FILIP1L: variants seen among roughly 807,000 people sequenced by gnomAD.
FILIP1L encodes filamin A interacting protein 1 like.
A neutral mutation model predicts 96.6 loss-of-function variants in FILIP1L; 55 were observed. The observed-to-expected ratio is 0.57, with a 90% CI of 0.46 to 0.71. The LOEUF (loss-of-function observed/expected upper bound fraction) is 0.71, where lower values mean the gene tolerates loss of function less well. Ranked by LOEUF, FILIP1L falls within the 30% of genes least tolerant of loss-of-function variation. FILIP1L has a pLI of 0.00. For synonymous variants in FILIP1L, 467 were observed against 473.9 expected (o/e 0.99, Z 0.19); for missense variants, 1,304 against 1,321.2 (o/e 0.99, Z 0.20).
rs147655030 is a variant in FILIP1L at position 100,004,425 on chromosome 3, C to A, written c.-10-73395G>T. On this transcript the variant is annotated intron_variant, in intron 1 of 5. Coordinates refer to ENST00000477258, the MANE Select transcript of FILIP1L (RefSeq NM_001387850.1). ...TTGTGTTCATAAGAGAACTGTGTTA[C>A]CACTGAAACCAAGGGAGGAGAACCA... is the stretch of plus-strand genomic sequence containing the variant. Among the ~76,000 whole-genome samples the A allele has an allele frequency of 7.2e-3, 1,094 of 152,136 alleles. 4 individuals carry two copies. Among genetic ancestry groups the A allele is most frequent in the African/African-American group, 1.0e-2 (414 of 41,510 alleles).
chr3:100,053,492 C>A (rs1214230304), intron 1 of FILIP1L, among the ~76,000 whole-genome samples: 1 of 152,196 alleles, frequency 6.6e-6, no homozygotes, highest in Non-Finnish European at 1.5e-5. Context: ...TTTCTGTCTT[C>A]TCATGAGGAC....
At chr3:100,023,359 T>C (rs920145460) in intron 1 of FILIP1L, 2 of 152,546 alleles carry the variant, frequency 1.3e-5, no homozygotes, top group African/African-American at 4.8e-5. Flanking sequence ...AAGTCAAACA[T>C]GGATGGCAGC....
intron 1 of FILIP1L, among the ~76,000 whole-genome samples, chr3:100,067,332 G>C (rs1292187742): frequency 6.6e-6 from 1 of 152,192 alleles, no homozygotes; most frequent in Non-Finnish European, 1.5e-5. Context: ...CTATGGTGCA[G>C]GTGAAAGTCT....
intron 4 of FILIP1L, among the ~76,000 whole-genome samples, chr3:99,919,801 G>A (rs1481506263): frequency 6.6e-6 from 1 of 152,152 alleles, no homozygotes; most frequent in African/African-American, 2.4e-5. Context: ...AGGTGGAAGT[G>A]CTTTGTTCTT....
intron 4 of FILIP1L, chr3:99,874,180 T>TA (rs762277750): frequency 2.6e-5 from 4 of 152,146 alleles, no homozygotes; most frequent in Non-Finnish European, 4.4e-5. Flanking sequence ...TTGCCTGCTT[T>TA]AAAAAAATAA....
intron 1 of FILIP1L, among the ~76,000 whole-genome samples, chr3:100,010,697 T>A (rs1003544069): frequency 2.7e-5 from 4 of 148,230 alleles, no homozygotes; most frequent in Non-Finnish European, 6.0e-5. Context: ...CCACTGCAAC[T>A]TCTACCTCCC....
intron 4 of FILIP1L, among the ~76,000 whole-genome samples, chr3:99,875,546 C>G (rs1705468465): frequency 6.6e-6 from 1 of 152,146 alleles, no homozygotes; most frequent in Admixed American, 6.5e-5. Flanking sequence ...TTTTTTGAAG[C>G]TTAAAAAGAT....
At chr3:99,883,921 A>G (rs1705811956) in intron 4 of FILIP1L, among the ~76,000 whole-genome samples, 1 of 152,208 alleles carries the variant, frequency 6.6e-6, no homozygotes, top group African/African-American at 2.4e-5. Context: ...TACTGACTCC[A>G]GCAACTTCTG....
intron 4 of FILIP1L, among the ~76,000 whole-genome samples, chr3:99,896,936 T>C (rs183733724): frequency 3.3e-4 from 50 of 152,328 alleles, no homozygotes; most frequent in African/African-American, 1.2e-3. Context: ...GGCTAATAAA[T>C]AGAAAATGTA....
chr3:99,959,902 C>T (rs1017394876), intron 1 of FILIP1L, among the ~76,000 whole-genome samples: 7 of 152,136 alleles, frequency 4.6e-5, no homozygotes, highest in African/African-American at 1.2e-4. Context: ...AAAACTCAGA[C>T]CACTCCCATT....
intron 1 of FILIP1L, chr3:100,040,995 C>A (rs1013544822): frequency 6.6e-6 from 1 of 152,166 alleles, no homozygotes; most frequent in African/African-American, 2.4e-5. Flanking sequence ...AAAAATCTGT[C>A]CTGAAGTATG....
At chr3:99,933,760 T>G (rs906210346) in intron 1 of FILIP1L, among the ~76,000 whole-genome samples, 1 of 152,226 alleles carries the variant, frequency 6.6e-6, no homozygotes, top group African/African-American at 2.4e-5. Context: ...TAAGACAATT[T>G]TATTCTTCAT....
intron 5 of FILIP1L, among the ~76,000 whole-genome samples, chr3:99,846,056 T>C (rs1943350720): frequency 6.6e-6 from 1 of 152,220 alleles, no homozygotes; most frequent in South Asian, 2.1e-4. Flanking sequence ...ACATAAGAAA[T>C]TGAATCCTTT....
chr3:99,873,081 C>T (rs544965013), intron 4 of FILIP1L, among the ~76,000 whole-genome samples: 66 of 152,260 alleles, frequency 4.3e-4, no homozygotes, highest in African/African-American at 1.5e-3. Context: ...GTCATTGCAG[C>T]ACACTTTAAG....
At chr3:99,979,324 A>G (rs759054497) in intron 1 of FILIP1L, among the ~76,000 whole-genome samples, 2 of 152,190 alleles carry the variant, frequency 1.3e-5, no homozygotes, top group Non-Finnish European at 2.9e-5. Context: ...GGGAAACACT[A>G]AAAAGATAAA....
intron 4 of FILIP1L, among the ~76,000 whole-genome samples, chr3:99,877,537 C>T (rs1705575102): frequency 6.6e-6 from 1 of 152,130 alleles, no homozygotes; most frequent in East Asian, 1.9e-4. Context: ...CTCACTCTTG[C>T]TTTTCATATA....
chr3:100,051,993 A>G (rs1420374766), intron 1 of FILIP1L, among the ~76,000 whole-genome samples: 1 of 150,888 alleles, frequency 6.6e-6, no homozygotes, highest in East Asian at 1.9e-4. Flanking sequence ...AATGTGATAA[A>G]TATAAAATAT....
chr3:99,876,330 G>T, intron 4 of FILIP1L: 1 of 486,472 alleles, frequency 2.1e-6, no homozygotes, highest in Non-Finnish European at 2.7e-6. Context: ...TCCCGCGGAT[G>T]TTCCGGCCGT....
chr3:99,983,372 TAAAA>T (rs1709184728), intron 1 of FILIP1L, among the ~76,000 whole-genome samples: 2 of 96,560 alleles, frequency 2.1e-5, no homozygotes, highest in Non-Finnish European at 3.9e-5. Flanking sequence ...TGTCTCTACT[TAAAA>T]AATAAATAAA....
Sources: gnomAD v4.1 joint callset for allele counts (sites outside exome capture counted in the v4.1 genomes callset) on GRCh38, gnomAD v4.1.1 for gene constraint, MANE v1.5 for transcripts, NCBI Gene and HGNC (gene_info 2026-07-23, HGNC 2026-07-21) for gene names.